ABCA2: variants seen among roughly 807,000 people sequenced by gnomAD.
ABCA2 encodes ATP-binding cassette sub-family A member 2.
Under a neutral mutation model 262.8 loss-of-function variants are expected in ABCA2, and 84 were observed. The observed-to-expected ratio is 0.32, with a 90% CI of 0.27 to 0.38. The LOEUF (loss-of-function observed/expected upper bound fraction) is 0.38, where lower values mean the gene tolerates loss of function less well. ABCA2 is among the 10% of genes least tolerant of loss of function. The pLI is 1.00. For synonymous variants in ABCA2, 1,696 were observed against 1,502.9 expected, an observed-to-expected ratio of 1.13 and a Z score of -2.97; for missense variants, 2,662 against 3,405.9, an observed-to-expected ratio of 0.78 and a Z score of 5.44.
chr9:137,025,439 A>G (rs1831622592), intron 1 of ABCA2, among the ~76,000 whole-genome samples: 1 of 152,106 alleles, frequency 6.6e-6, no homozygotes, highest in Non-Finnish European at 1.5e-5. Flanking sequence ...CCCCATCCCA[A>G]AACCCTTCAG....
In ABCA2 at chr9:137,022,844, G is replaced by A. The variant is rs747534644; in HGVS notation, c.297C>T (p.Arg99=). The A allele has an allele frequency of 2.6e-5, 42 of 1,585,622 alleles. No individual in the cohort carries two copies. The Admixed American group carries it at 3.0e-4, about 11-fold the overall frequency. ...ANSTVTQLLE[R]LDRVVEEGNL... is the part of the protein sequence containing the mutation. ...TGCCTTCCTCCACCACGCGGTCCAG[G>A]CGCTCAAGCAGCTGCGTGACCCTGC... Residue 99 remains arginine (R), a synonymous_variant, in exon 5 of 49, where the codon CGC becomes CGT. Coordinates refer to ENST00000341511, the MANE Select transcript of ABCA2 (RefSeq NM_001606.5).
Position 137,022,119 on chromosome 9 carries a change from G to T in ABCA2, c.568-118C>A, listed in dbSNP as rs1399756512. 277 of 580,902 alleles carry T rather than the reference G, an allele frequency of 4.8e-4. 1 individual carries two copies. The highest frequency in any genetic ancestry group is 4.0e-3 in the South Asian group (190 of 47,944). The allele number at this position is 580,902 out of a possible 1,614,324, so 36.0% of individuals were successfully genotyped here. On this transcript the variant is annotated intron_variant, in intron 6 of 48. Coordinates refer to ENST00000341511, the MANE Select transcript of ABCA2 (RefSeq NM_001606.5). ...TTAGATGGTGGGGGCGTGGCTCAGA[G>T]AGTGGGGGCGTGGCTCAGATGGTGG...
Position 137,015,439 on chromosome 9 carries a change from C to T in ABCA2, c.3672G>A (p.Arg1224=), listed in dbSNP as rs1391548894. 13 of 1,568,986 alleles carry T rather than the reference C, an allele frequency of 8.3e-6. No homozygotes were observed. The South Asian group carries it at 1.4e-4, about 17-fold the overall frequency. ...GDGYRLTLVK[R]PAEPGGPQEP... ...CTTGGGGGCCCCCCGGCTCGGCGGG[C>T]CGCTTGACCAGCGTGAGGCGGTACC... Residue 1224 remains arginine, a synonymous_variant, in exon 24 of 49, where the codon CGG becomes CGA. Transcript: ENST00000341511.
intron 9 of ABCA2, 53 bp from the exon 10 acceptor site, chr9:137,020,548 G>A: frequency 6.5e-7 from 1 of 1,547,516 alleles, no homozygotes; most frequent in Non-Finnish European, 8.7e-7. Context: ...AGGGCCGCGA[G>A]AGTGGGAGGG....
intron 40 of ABCA2, 33 bp downstream of exon 40, chr9:137,010,587 A>T (rs770099043): frequency 6.8e-6 from 2 of 293,802 alleles, no homozygotes; most frequent in Non-Finnish European, 1.1e-5. Context: ...GGCCTACCCC[A>T]CCCAGGCCCC....
In ABCA2 at chr9:137,010,734, G is replaced by T. The variant is rs1318561538; in HGVS notation, c.6060C>A (p.Arg2020=). Residue 2020 remains arginine, a synonymous_variant, in exon 40 of 49, where the codon CGC becomes CGA. Transcript: ENST00000341511. ...CCACAGGCTTGGTAGACACAGGCATGCGCCTTGGGGGACAGGGTGGACAGT... is the reference window on the plus strand; with the variant it reads ...CCACAGGCTTGGTAGACACAGGCATTCGCCTTGGGGGACAGGGTGGACAGT... The part of the protein sequence containing the change: ...CQYNFLRRPQ[R]MPVSTKPVED... The T allele has an allele frequency of 2.5e-6, 4 of 1,612,448 alleles. No homozygotes were observed. The highest frequency in any genetic ancestry group is 2.5e-6 in the Non-Finnish European group (3 of 1,179,780).
chr9:137,024,076 C>T (rs1274205140), intron 2 of ABCA2, 67 bp downstream of exon 2: 7 of 1,534,890 alleles, frequency 4.6e-6, no homozygotes, highest in African/African-American at 2.7e-5. Flanking sequence ...CAGATGTGCA[C>T]ACACAGCGCA....
chr9:137,017,271 G>A lies in ABCA2; in HGVS notation c.2478C>T (p.Tyr826=), dbSNP rs749252167. 2.0e-5 allele frequency: 32 copies of A among 1,612,576 alleles called. No individual in the cohort carries two copies. The highest frequency in any genetic ancestry group is 1.1e-4 in the East Asian group (5 of 44,886). ...ACGGIIYFLS[Y]VPYMYVAIRE... ...GGATCGCCACGTACATGTAGGGCAC[G>A]TAGCTCAGGAAGTAGATGATGCCAC... The change falls in exon 18 of 49, where the codon TAC becomes TAT. Residue 826 remains tyrosine, a synonymous_variant. Coordinates refer to ENST00000341511, the MANE Select transcript of ABCA2 (RefSeq NM_001606.5).
intron 48 of ABCA2, 115 bp downstream of exon 48, chr9:137,008,301 G>A: frequency 8.0e-7 from 1 of 1,251,592 alleles, no homozygotes; most frequent in Non-Finnish European, 1.1e-6. Context: ...CTTGACCTCT[G>A]GACAGCAAGC....
At position 137,007,843 on chromosome 9, in the gene ABCA2, G is replaced by A; in HGVS notation, c.*86C>T. ...TCCACTCCAGGCCCTGGCAGGCACT[G>A]GGGGACTTCTGTCCCCATTGTTGAG... On this transcript the variant is annotated 3_prime_UTR_variant, in exon 49 of 49. Transcript: ENST00000341511. The A allele has an allele frequency of 6.5e-7, 1 of 1,545,132 alleles. No homozygotes were observed. Among genetic ancestry groups the A allele is most frequent in the Admixed American group, 1.8e-5 (1 of 57,022 alleles).
chr9:137,014,887 G>GC (rs747487694), intron 25 of ABCA2, 26 bp downstream of exon 25: 6 of 1,579,060 alleles, frequency 3.8e-6, no homozygotes, highest in Admixed American at 1.8e-5. Context: ...ACCTGCAACT[G>GC]CCCCCCGACC....
Position 137,017,110 on chromosome 9 carries a change from C to T in ABCA2, c.2568G>A (p.Thr856=), listed in dbSNP as rs149292740. The T allele has an allele frequency of 9.1e-4, 1,462 of 1,612,626 alleles. 22 individuals are homozygous for T. The highest frequency in any genetic ancestry group is 1.4e-4 in the Non-Finnish European group (169 of 1,179,912). The stretch of plus-strand genomic sequence containing the variant: ...ACTTAGAGCCCAGACCAAAGGCCGT[C>T]GTGGACATGAGGGACTGAGAAGGCA... ...FEKCIASLMS[T]TAFGLGSKYF... is the part of the protein sequence containing the mutation. The change falls in exon 19 of 49, where the codon ACG becomes ACA. Residue 856 remains threonine, a synonymous_variant. Coordinates refer to ENST00000341511, the MANE Select transcript of ABCA2 (RefSeq NM_001606.5).
rs1375855797 is a variant in ABCA2 at position 137,011,297 on chromosome 9, C to T, written c.5812G>A (p.Val1938Ile). Reference protein sequence around the residue: ...LFEHDKDLKVVNSYLKSCFLI... With the variant: ...LFEHDKDLKVINSYLKSCFLI... ...AAGCAGCTTTTCAGGTAACTGTTGA[C>T]AACCTTCAGGTCCTGCGGGGTGGCC... The change falls in exon 38 of 49, where the codon GTC becomes ATC. Residue 1938 changes from valine to isoleucine, a missense_variant. Physicochemically the swap from Val to Ile is conservative, Grantham distance 29 (BLOSUM62 3). This residue lies in a region of ABCA2 where 602 missense variants were observed against 897.4 expected (regional missense o/e 0.67). Coordinates refer to ENST00000341511, the MANE Select transcript of ABCA2 (RefSeq NM_001606.5). This position sits in a 1 kb window ranked among gnomAD's most constrained non-coding sequence, Gnocchi z 8.8. 6.2e-7 allele frequency: 1 copy of T among 1,612,266 alleles called. No homozygotes were observed. The highest frequency in any genetic ancestry group is 8.5e-7 in the Non-Finnish European group (1 of 1,179,654).
rs1321003884 is a variant in ABCA2 at position 137,011,642 on chromosome 9, C to T, written c.5643G>A (p.Leu1881=). The T allele has an allele frequency of 6.4e-7, 1 of 1,553,280 alleles. No homozygotes were observed. Among genetic ancestry groups the T allele is most frequent in the Admixed American group, 2.0e-5 (1 of 51,240 alleles). Residue 1881 remains leucine, a synonymous_variant, in exon 36 of 49, where the codon CTG becomes CTA. Transcript: ENST00000341511. This position sits in a 1 kb window ranked among gnomAD's most constrained non-coding sequence, Gnocchi z 8.8. The stretch of plus-strand genomic sequence containing the variant: ...CCTCCGCTTCCGCTTACCCATAGAG[C>T]AGGAAGAGGGAGAGGACGGCAGGGA... The part of the protein sequence containing the change: ...TNFPAVLSLF[L]LYGWSITPIM...
chr9:137,008,442 C>A lies in ABCA2; in HGVS notation c.7249G>T (p.Gly2417Cys). The A allele has an allele frequency of 6.4e-7, 1 of 1,553,862 alleles. No homozygotes were observed. Among genetic ancestry groups the A allele is most frequent in the East Asian group, 2.4e-5 (1 of 41,276 alleles). ...EPEDLDTEDE[G>C]LISFEEERAQ... The stretch of plus-strand genomic sequence containing the variant: ...CGCTCCTCCTCGAAGCTGATGAGGC[C>A]CTCGTCCTCCGTGTCCAGGTCCTCG... The change falls in exon 48 of 49, where the codon GGC becomes TGC. Residue 2417 changes from glycine to cysteine, a missense_variant. By Grantham distance (159) the Gly-to-Cys change is radical. Coordinates refer to ENST00000341511, the MANE Select transcript of ABCA2 (RefSeq NM_001606.5).
chr9:137,028,826 G>T, upstream of ABCA2: 2 of 1,311,342 alleles, frequency 1.5e-6, no homozygotes, highest in Admixed American at 2.4e-5. The surrounding 1 kb of genome is among the most constrained non-coding windows in gnomAD (Gnocchi z 6.9). Flanking sequence ...GGAGCAGGCA[G>T]GGGACCGAGG....
In ABCA2 at chr9:137,014,382, A is replaced by G. The variant is rs1564218424; in HGVS notation, c.4026T>C (p.Asp1342=). 3.1e-6 allele frequency: 5 copies of G among 1,594,184 alleles called. No homozygotes were observed. The highest frequency in any genetic ancestry group is 3.4e-5 in the Admixed American group (2 of 58,002). ...CCGGGCCCTCCGCCCCAGGGAGCACATCCTTCCTGGACTCCTTCACATCTG... is the reference window on the plus strand; with the variant it reads ...CCGGGCCCTCCGCCCCAGGGAGCACGTCCTTCCTGGACTCCTTCACATCTG... The part of the protein sequence containing the change: ...SEADVKESRK[D]VLPGAEGPAS... Residue 1342 remains aspartate (D), a synonymous_variant, in exon 27 of 49, where the codon GAT becomes GAC. Transcript: ENST00000341511.
At chr9:137,012,969 C>T in intron 30 of ABCA2, 33 bp downstream of exon 30, 5 of 1,480,394 alleles carry the variant, frequency 3.4e-6, no homozygotes, top group Non-Finnish European at 4.5e-6. Context: ...CCTCACTGCC[C>T]CTGCCCCCCC....
Position 137,016,786 on chromosome 9 carries a change from C to G in ABCA2, c.2759-48G>C, listed in dbSNP as rs1564222297. On this transcript the variant is annotated intron_variant, in intron 19 of 48. Transcript: ENST00000341511. ...GAGGCTGACCTAGGGCCTGGGGTGA[C>G]CATCCACCACGTGGGCCACGTGCCC... The G allele has an allele frequency of 3.9e-6, 6 of 1,539,442 alleles. No individual in the cohort carries two copies. The African/African-American group carries it at 4.1e-5, about 10-fold the overall frequency.
Sources: gnomAD v4.1 joint callset for allele counts (sites outside exome capture counted in the v4.1 genomes callset) on GRCh38, gnomAD v4.1.1 for gene constraint, gnomAD v4.1.1 regional missense constraint, Gnocchi (gnomAD v3.1) non-coding constraint, MANE v1.5 for transcripts, NCBI Gene and HGNC (gene_info 2026-07-23, HGNC 2026-07-21) for gene names.